PPP3CA: variants seen among roughly 807,000 people sequenced by gnomAD.
PPP3CA encodes CAM-PRP catalytic subunit.
In PPP3CA, 14 loss-of-function variants were observed where a neutral mutation model predicts 66.5. That is an observed-to-expected ratio of 0.21 (90% CI 0.14 to 0.33). PPP3CA has a LOEUF of 0.33. Ranked by LOEUF, PPP3CA falls within the 10% of genes least tolerant of loss-of-function variation. The pLI is 1.00. For missense variants in PPP3CA, 317 were observed against 639.5 expected (o/e 0.50, Z 5.44); for synonymous variants, 232 against 226.2 (o/e 1.03, Z -0.23).
At chr4:101,345,396 G>A (rs1247655132) in intron 1 of PPP3CA, among the ~76,000 whole-genome samples, 1 of 152,138 alleles carries the variant, frequency 6.6e-6, no homozygotes, top group Non-Finnish European at 1.5e-5. Context: ...AAGTGCTCAT[G>A]GTGCAAACGA....
intron 2 of PPP3CA, among the ~76,000 whole-genome samples, chr4:101,152,022 T>G (rs1723160061): frequency 6.6e-6 from 1 of 152,210 alleles, no homozygotes; most frequent in Non-Finnish European, 1.5e-5. Flanking sequence ...TAGAAAAACC[T>G]CATTATTTCA....
chr4:101,333,959 A>T (rs1729540972), intron 1 of PPP3CA, among the ~76,000 whole-genome samples: 1 of 152,212 alleles, frequency 6.6e-6, no homozygotes, highest in South Asian at 2.1e-4. Context: ...GTGCAGAGCC[A>T]CACACGCAGT....
intron 11 of PPP3CA, 69 bp from the exon 12 acceptor site, chr4:101,032,433 AG>A: frequency 2.2e-6 from 3 of 1,382,976 alleles, no homozygotes; most frequent in Non-Finnish European, 3.0e-6. Flanking sequence ...AATGACTGAA[AG>A]GAAAAAAAAT....
chr4:101,219,367 A>G (rs1426134219), intron 1 of PPP3CA, among the ~76,000 whole-genome samples: 1 of 151,994 alleles, frequency 6.6e-6, no homozygotes, highest in Non-Finnish European at 1.5e-5. Context: ...AAGCTCTAGT[A>G]TATTATTTTC....
In PPP3CA at chr4:101,062,898, C is replaced by A. The variant is rs3804356; in HGVS notation, c.1081+334G>T. 8.9e-4 allele frequency among the ~76,000 whole-genome samples: 135 copies of A among 151,956 alleles called. No homozygotes were observed. In the East Asian group the frequency reaches 0.023, roughly 26 times the overall value. ...TAAATAGTCCTTTGGGATTATAGTA[C>A]AAATGGGTAAGGAAAAAGGGTAGAC... On this transcript the variant is annotated intron_variant, in intron 9 of 13. Transcript: ENST00000394854.
chr4:101,346,598 G>A (rs1730006697), intron 1 of PPP3CA, 141 bp downstream of exon 1: 3 of 709,822 alleles, frequency 4.2e-6, no homozygotes, highest in African/African-American at 1.9e-5. Context: ...TTCGCGGGTT[G>A]CACAATATCC....
chr4:101,097,651 C>G (rs888106905), intron 5 of PPP3CA, among the ~76,000 whole-genome samples: 1 of 152,062 alleles, frequency 6.6e-6, no homozygotes, highest in Non-Finnish European at 1.5e-5. Flanking sequence ...TCATTGCAAT[C>G]AGAGTTAGAA....
intron 11 of PPP3CA, among the ~76,000 whole-genome samples, chr4:101,035,411 C>A (rs1262626789): frequency 2.6e-5 from 4 of 152,122 alleles, no homozygotes; most frequent in Admixed American, 6.5e-5. Context: ...CTGAAGTATT[C>A]TTTTTAATCT....
Position 101,063,501 on chromosome 4 carries a change from T to C in PPP3CA, c.956-144A>G, listed in dbSNP as rs185478612. On this transcript the variant is annotated intron_variant, in intron 8 of 13. Transcript: ENST00000394854. The stretch of plus-strand genomic sequence containing the variant: ...CACCTTAGGCATCCCAGAATGCTTA[T>C]ACAACTTATGGACTTAAACCTTACT... 2.0e-4 allele frequency: 173 copies of C among 877,514 alleles called. 3 individuals are homozygous for C. The East Asian group carries it at 4.4e-3, about 23-fold the overall frequency. 54.4% of individuals were successfully genotyped at this position (877,514 alleles called of 1,614,324 possible).
At chr4:101,298,197 C>T (rs1728254677) in intron 1 of PPP3CA, among the ~76,000 whole-genome samples, 1 of 151,966 alleles carries the variant, frequency 6.6e-6, no homozygotes, top group African/African-American at 2.4e-5. Flanking sequence ...AAGATGTACC[C>T]TCAGATAGAC....
chr4:101,239,446 G>C (rs1726230968), intron 1 of PPP3CA, among the ~76,000 whole-genome samples: 1 of 151,998 alleles, frequency 6.6e-6, no homozygotes, highest in Non-Finnish European at 1.5e-5. Context: ...TCTACCAACA[G>C]AAGAAAGAGA....
chr4:101,140,569 G>A (rs952156223), intron 2 of PPP3CA, among the ~76,000 whole-genome samples: 1 of 152,090 alleles, frequency 6.6e-6, no homozygotes, highest in African/African-American at 2.4e-5. Context: ...CATTACCTAT[G>A]TGATTCAGAA....
At chr4:101,265,867 T>C (rs1727153810) in intron 1 of PPP3CA, among the ~76,000 whole-genome samples, 1 of 152,106 alleles carries the variant, frequency 6.6e-6, no homozygotes, top group South Asian at 2.1e-4. Flanking sequence ...TAGAGGGGAA[T>C]AAACATAGAA....
intron 11 of PPP3CA, among the ~76,000 whole-genome samples, chr4:101,036,938 T>C (rs1210133830): frequency 2.0e-5 from 3 of 152,246 alleles, no homozygotes; most frequent in African/African-American, 7.2e-5. Flanking sequence ...CTCTCTCTTG[T>C]AGCCTCTCAT....
intron 2 of PPP3CA, among the ~76,000 whole-genome samples, chr4:101,138,059 A>C (rs910553459): frequency 1.3e-5 from 2 of 152,226 alleles, no homozygotes; most frequent in Admixed American, 1.3e-4. Context: ...TGCTTTTATC[A>C]TATCACTCAT....
At chr4:101,169,889 T>A (rs375553178) in intron 2 of PPP3CA, among the ~76,000 whole-genome samples, 1 of 152,100 alleles carries the variant, frequency 6.6e-6, no homozygotes, top group East Asian at 1.9e-4. Context: ...ATTTGGGGAG[T>A]CAGTTTTGAT....
chr4:101,204,046 T>TTG (rs975318660), intron 1 of PPP3CA, among the ~76,000 whole-genome samples: 3 of 152,174 alleles, frequency 2.0e-5, no homozygotes, highest in Non-Finnish European at 4.4e-5. Flanking sequence ...CACAGCTCAC[T>TTG]GCAGCCTCAA....
chr4:101,306,425 T>C (rs528326849), intron 1 of PPP3CA, among the ~76,000 whole-genome samples: 106 of 152,202 alleles, frequency 7.0e-4, no homozygotes, highest in African/African-American at 2.5e-3. Flanking sequence ...CCACAAATTA[T>C]AGTGCTCAAT....
intron 1 of PPP3CA, among the ~76,000 whole-genome samples, chr4:101,263,547 T>G (rs1253621180): frequency 6.6e-6 from 1 of 152,054 alleles, no homozygotes; most frequent in Non-Finnish European, 1.5e-5. Context: ...TCTAAAATTC[T>G]AAATTGTTTT....
Sources: gnomAD v4.1 joint callset for allele counts (sites outside exome capture counted in the v4.1 genomes callset) on GRCh38, gnomAD v4.1.1 for gene constraint, MANE v1.5 for transcripts, NCBI Gene and HGNC (gene_info 2026-07-23, HGNC 2026-07-21) for gene names.